Variants in ERCC6L2 observed in about 807,000 individuals in gnomAD.
ERCC6L2 encodes ERCC excision repair 6 like 2.
Under a neutral mutation model 132.0 loss-of-function variants are expected in ERCC6L2, and 77 were observed. That is an observed-to-expected ratio of 0.58 (90% CI 0.49 to 0.71). The LOEUF (loss-of-function observed/expected upper bound fraction) is 0.71. Among genes scored for constraint, ERCC6L2 ranks in the 30% least tolerant of loss-of-function variants. The pLI is 0.00. For synonymous variants in ERCC6L2, 583 were observed against 632.4 expected (o/e 0.92, Z 1.17); for missense variants, 1,542 against 1,837.6 (o/e 0.84, Z 2.94).
chr9:95,953,860 T>G (rs1246814187), intron 12 of ERCC6L2, among the ~76,000 whole-genome samples: 1 of 152,138 alleles, frequency 6.6e-6, no homozygotes, highest in Non-Finnish European at 1.5e-5. Context: ...ATAGAAACAC[T>G]TAAGCAGAAA....
At chr9:95,882,762 A>T (rs980835892) in intron 2 of ERCC6L2, among the ~76,000 whole-genome samples, 2 of 152,208 alleles carry the variant, frequency 1.3e-5, no homozygotes, top group African/African-American at 4.8e-5. Context: ...ATTACCATTA[A>T]CCATACTCTA....
At chr9:95,967,363 G>A (rs1233044278) in intron 14 of ERCC6L2, 1 of 151,992 alleles carries the variant, frequency 6.6e-6, no homozygotes, top group Non-Finnish European at 1.5e-5. Flanking sequence ...CCTCCTCATG[G>A]TATAGATGAG....
In ERCC6L2 at chr9:96,014,290, C is replaced by G. The variant is rs921402168; in HGVS notation, c.*1087C>G. On this transcript the variant is annotated 3_prime_UTR_variant, in exon 19 of 19. Transcript: ENST00000653738. ...ACAGGGCTGCAAGAGGAGGACACAT[C>G]CCTCCAGAAAACAGCCTGAGCCGGG... The G allele has an allele frequency of 1.3e-5, 2 of 152,202 alleles. No homozygotes were observed. Among genetic ancestry groups the G allele is most frequent in the Admixed American group, 6.5e-5 (1 of 15,280 alleles). 9.4% of individuals were successfully genotyped at this position (152,202 alleles called of 1,614,324 possible).
At chr9:96,035,099 C>T (rs1834504319) in intron 19 of ERCC6L2, among the ~76,000 whole-genome samples, 2 of 152,164 alleles carry the variant, frequency 1.3e-5, no homozygotes, top group African/African-American at 4.8e-5. Flanking sequence ...GGTGTCTGAT[C>T]CTACTGCCTG....
downstream of ERCC6L2, among the ~76,000 whole-genome samples, chr9:96,018,490 T>C (rs1269328102): frequency 2.6e-5 from 4 of 151,924 alleles, no homozygotes; most frequent in African/African-American, 7.2e-5. Flanking sequence ...AGACAGAGTC[T>C]CACTCTGTCA....
chr9:95,921,268 C>A lies in ERCC6L2; in HGVS notation c.1252C>A (p.Pro418Thr), dbSNP rs59765732. Residue 418 changes from proline to threonine, a missense_variant, in exon 7 of 19, where the codon CCT (proline) becomes ACT (threonine). By Grantham distance (38) the Pro-to-Thr change is conservative. Coordinates refer to ENST00000653738, the MANE Select transcript of ERCC6L2 (RefSeq NM_020207.7). ...DVTLILQSSE[P>T]CTCRSGQKRR... is the part of the protein sequence containing the mutation. Reference sequence around the variant, plus strand: ...GACTTTGATACTTCAATCTTCTGAGCCTTGTACCTGTAGGAGTGGCCAAAA... The same window carrying A: ...GACTTTGATACTTCAATCTTCTGAGACTTGTACCTGTAGGAGTGGCCAAAA... The A allele has an allele frequency of 1.5e-3, 2,364 of 1,613,512 alleles. 36 individuals are homozygous for A. In the African/African-American group the frequency reaches 0.028, roughly 19 times the overall value.
chr9:96,032,745 C>A (rs1267614092), intron 19 of ERCC6L2, among the ~76,000 whole-genome samples: 3 of 152,218 alleles, frequency 2.0e-5, no homozygotes, highest in South Asian at 4.1e-4. Context: ...CAATGCTGGT[C>A]ATCTCTGACA....
In ERCC6L2 at chr9:95,928,944, A is replaced by G; in HGVS notation, c.1751+80A>G. 4.5e-6 allele frequency: 5 copies of G among 1,100,074 alleles called. No homozygotes were observed. In the South Asian group the frequency reaches 7.8e-5, roughly 17 times the overall value. 68.1% of individuals were successfully genotyped at this position (1,100,074 alleles called of 1,614,324 possible). A position where few individuals can be genotyped will look rare whatever the true frequency, so the allele number is the denominator to read the frequency against. On this transcript the variant is annotated intron_variant, in intron 11 of 18. Coordinates refer to ENST00000653738, the MANE Select transcript of ERCC6L2 (RefSeq NM_020207.7). ...GCATAATTTTTAAAACTATTACTGGATTAATTTTTAATGGCTATGCTTATT... is the reference window on the plus strand; with the variant it reads ...GCATAATTTTTAAAACTATTACTGGGTTAATTTTTAATGGCTATGCTTATT...
At chr9:95,917,562 C>T (rs1829660810) in intron 6 of ERCC6L2, among the ~76,000 whole-genome samples, 1 of 152,124 alleles carries the variant, frequency 6.6e-6, no homozygotes, top group Admixed American at 6.6e-5. Context: ...AATATTGTTA[C>T]TAAATTGAGA....
intron 7 of ERCC6L2, among the ~76,000 whole-genome samples, chr9:95,921,643 C>T (rs547302937): frequency 2.0e-5 from 3 of 152,156 alleles, no homozygotes; most frequent in East Asian, 3.9e-4. Context: ...TAATAGTAAA[C>T]GAACATACTC....
intron 17 of ERCC6L2, among the ~76,000 whole-genome samples, chr9:95,985,372 C>T (rs2133137302): frequency 6.6e-6 from 1 of 152,294 alleles, no homozygotes; most frequent in South Asian, 2.1e-4. Context: ...CCAGTCCCTA[C>T]AACCATTTTC....
At chr9:95,931,158 C>T (rs1023386634) in intron 11 of ERCC6L2, among the ~76,000 whole-genome samples, 6 of 152,186 alleles carry the variant, frequency 3.9e-5, no homozygotes, top group African/African-American at 1.4e-4. Context: ...AAGACTTCAT[C>T]CATGTTTTAT....
chr9:96,036,087 A>C (rs1350718041), intron 19 of ERCC6L2, among the ~76,000 whole-genome samples: 1 of 152,216 alleles, frequency 6.6e-6, no homozygotes, highest in Non-Finnish European at 1.5e-5. Flanking sequence ...ACCATCCCAA[A>C]CATATTTAAG....
At chr9:96,003,597 C>T (rs1423310384) in intron 17 of ERCC6L2, among the ~76,000 whole-genome samples, 6 of 152,126 alleles carry the variant, frequency 3.9e-5, no homozygotes, top group Admixed American at 1.3e-4. Context: ...TAAACCATTT[C>T]CATCTCCCAT....
intron 16 of ERCC6L2, among the ~76,000 whole-genome samples, chr9:95,974,080 T>A (rs1015556760): frequency 6.6e-5 from 10 of 152,216 alleles, no homozygotes; most frequent in Non-Finnish European, 1.5e-4. Flanking sequence ...AGGCACAAAA[T>A]GTTTATTCTC....
intron 17 of ERCC6L2, among the ~76,000 whole-genome samples, chr9:95,986,487 T>C (rs1833098770): frequency 6.7e-6 from 1 of 148,662 alleles, no homozygotes; most frequent in Non-Finnish European, 1.5e-5. Context: ...TGTCTTCATA[T>C]ATCTCTCTCC....
At chr9:95,968,256 T>A (rs1192941026) in intron 14 of ERCC6L2, 3 of 152,216 alleles carry the variant, frequency 2.0e-5, no homozygotes, top group African/African-American at 4.8e-5. Context: ...TTTTCTTTTT[T>A]AAAAATATCT....
chr9:96,020,170 A>T (rs1315740440), downstream of ERCC6L2: 1 of 156,334 alleles, frequency 6.4e-6, no homozygotes, highest in Non-Finnish European at 1.4e-5. Context: ...TGACAGAGTG[A>T]TACTCCGTTA....
At chr9:95,886,395 G>A (rs1017849320) in intron 2 of ERCC6L2, among the ~76,000 whole-genome samples, 1 of 152,134 alleles carries the variant, frequency 6.6e-6, no homozygotes, top group African/African-American at 2.4e-5. Flanking sequence ...AATGATATTA[G>A]AGATAATTTT....
Sources: allele counts gnomAD v4.1 joint callset (sites outside exome capture counted in the v4.1 genomes callset), GRCh38; gene constraint gnomAD v4.1.1; transcripts MANE v1.5; gene names NCBI Gene and HGNC (gene_info 2026-07-23, HGNC 2026-07-21).